Variants in ADGRL2 observed in about 807,000 individuals in gnomAD.
ADGRL2 encodes adhesion G protein-coupled receptor L2, also known as calcium-independent alpha-latrotoxin receptor 2.
A neutral mutation model predicts 157.4 loss-of-function variants in ADGRL2; 44 were observed. The ratio of observed to expected loss-of-function variants is 0.28; its 90% CI spans 0.22 to 0.36. The LOEUF (loss-of-function observed/expected upper bound fraction) is 0.36. Ranked by LOEUF, ADGRL2 falls within the 10% of genes least tolerant of loss-of-function variation. ADGRL2 has a pLI of 1.00. For synonymous variants in ADGRL2, 585 were observed against 624.7 expected (o/e 0.94, Z 0.95); for missense variants, 1,510 against 1,768.9 (o/e 0.85, Z 2.63).
In ADGRL2 at chr1:81,419,158, C is replaced by G. The variant is rs1570915659; in HGVS notation, c.-301-25878C>G. ...GCATATTTGTACTTCTGGACTGTTT[C>G]TTTATTCAGCAACCTTATACAGAAA... On this transcript the variant is annotated intron_variant, in intron 1 of 24. Coordinates refer to the ADGRL2 transcript ENST00000370721. 2.3e-5 allele frequency among the ~76,000 whole-genome samples: 3 copies of G among 132,798 alleles called. No individual in the cohort carries two copies. In the South Asian group the frequency reaches 7.3e-4, roughly 32 times the overall value. 87.1% of individuals were successfully genotyped at this position (132,798 alleles called of 152,430 possible). A position where few individuals can be genotyped will look rare whatever the true frequency, so the allele number is the denominator to read the frequency against.
At position 81,950,379 on chromosome 1, in the gene ADGRL2, C is replaced by T. The variant is rs1246388030; in HGVS notation, c.1401C>T (p.Pro467=). The T allele has an allele frequency of 6.2e-7, 1 of 1,613,996 alleles. No individual in the cohort carries two copies. The change falls in exon 7 of 24, where the codon CCC becomes CCT. Residue 467 remains proline, a synonymous_variant. Transcript: ENST00000686636. The part of the protein sequence containing the change: ...TKIPPITNIF[P]LPERFCEALD... ...TTCCACCTATAACAAATATTTTTCC[C>T]CTGCCAGAGAGATTCTGTGAAGCAT...
intron 3 of ADGRL2, among the ~76,000 whole-genome samples, chr1:81,923,641 C>A (rs1380553014): frequency 2.6e-5 from 4 of 151,958 alleles, no homozygotes; most frequent in Admixed American, 2.0e-4. Flanking sequence ...TAGTGTATAC[C>A]TGAAGACATT....
chr1:81,758,429 A>G (rs2085763131), intron 1 of ADGRL2, among the ~76,000 whole-genome samples: 1 of 152,126 alleles, frequency 6.6e-6, no homozygotes, highest in Non-Finnish European at 1.5e-5. Flanking sequence ...GGGCCGATTT[A>G]TATGTCTCCT....
At chr1:81,923,633 G>T (rs542115860) in intron 3 of ADGRL2, among the ~76,000 whole-genome samples, 1 of 152,018 alleles carries the variant, frequency 6.6e-6, no homozygotes, top group Non-Finnish European at 1.5e-5. Context: ...ATGACAACTA[G>T]TGTATACCTG....
At chr1:81,866,596 T>C (rs1279986185) in intron 2 of ADGRL2, among the ~76,000 whole-genome samples, 2 of 152,180 alleles carry the variant, frequency 1.3e-5, no homozygotes, top group Non-Finnish European at 2.9e-5. Context: ...CCTTCAGTTT[T>C]AAATTTGAAT....
intron 1 of ADGRL2, among the ~76,000 whole-genome samples, chr1:81,830,690 A>G (rs1216747182): frequency 6.6e-6 from 1 of 152,052 alleles, no homozygotes; most frequent in Non-Finnish European, 1.5e-5. Flanking sequence ...GTATTTTAGT[A>G]GAGACGGGGT....
rs889546159 is a variant in ADGRL2, at chr1:81,893,727, A to G, written c.74-13290A>G. Among the ~76,000 whole-genome samples the G allele has an allele frequency of 2.6e-5, 4 of 152,318 alleles. No individual in the cohort carries two copies. The South Asian group carries it at 8.3e-4, about 32-fold the overall frequency. On this transcript the variant is annotated intron_variant, in intron 2 of 23. Transcript: ENST00000686636. ...TGCAGTTAAATACAAGAAAGGATATAATTTTAACTCTGCAGAAAAGTAGTA... is the reference window on the plus strand; with the variant it reads ...TGCAGTTAAATACAAGAAAGGATATGATTTTAACTCTGCAGAAAAGTAGTA...
intron 2 of ADGRL2, among the ~76,000 whole-genome samples, chr1:81,851,416 A>G (rs1158493935): frequency 1.3e-5 from 2 of 151,862 alleles, no homozygotes; most frequent in Non-Finnish European, 2.9e-5. Flanking sequence ...ATGATGAGTA[A>G]TGAATATCTC....
At chr1:81,871,111 T>C (rs1218182745) in intron 2 of ADGRL2, among the ~76,000 whole-genome samples, 1 of 121,346 alleles carries the variant, frequency 8.2e-6, no homozygotes, top group African/African-American at 3.1e-5. Flanking sequence ...CAGGCCCTGT[T>C]GTGTGATGTT....
At chr1:81,843,436 A>G (rs2092676553) in intron 2 of ADGRL2, among the ~76,000 whole-genome samples, 1 of 152,144 alleles carries the variant, frequency 6.6e-6, no homozygotes, top group Non-Finnish European at 1.5e-5. Flanking sequence ...CGGCCAAAAA[A>G]ATGATTTTAT....
At chr1:81,543,808 C>T (rs2079947874) in intron 2 of ADGRL2, among the ~76,000 whole-genome samples, 1 of 152,202 alleles carries the variant, frequency 6.6e-6, no homozygotes, top group African/African-American at 2.4e-5. Flanking sequence ...CACAGGTTAT[C>T]TCACCTCTCC....
At chr1:81,900,241 C>T (rs1469205895) in intron 2 of ADGRL2, among the ~76,000 whole-genome samples, 1 of 152,110 alleles carries the variant, frequency 6.6e-6, no homozygotes, top group African/African-American at 2.4e-5. Flanking sequence ...GAATTGTCAA[C>T]AACAACCATT....
intron 1 of ADGRL2, among the ~76,000 whole-genome samples, chr1:81,741,473 T>C (rs1557611134): frequency 6.6e-6 from 1 of 152,054 alleles, no homozygotes; most frequent in Non-Finnish European, 1.5e-5. Flanking sequence ...ATTGGATATA[T>C]TCAATTAAAT....
In ADGRL2 at chr1:81,771,315, A is replaced by G. The variant is rs1278161254; in HGVS notation, c.-101+9463A>G. On this transcript the variant is annotated intron_variant, in intron 2 of 20. Transcript: ENST00000359929. ...TAGAGGATAATATAATTTTTCTCACAAAGAATTGCTGAGCATCCTCTTTCA... is the reference window on the plus strand; with the variant it reads ...TAGAGGATAATATAATTTTTCTCACGAAGAATTGCTGAGCATCCTCTTTCA... Among the ~76,000 whole-genome samples the G allele has an allele frequency of 2.1e-5, 3 of 144,350 alleles. No homozygotes were observed. The Admixed American group carries it at 2.1e-4, about 10-fold the overall frequency. The allele number at this position is 144,350 out of a possible 152,430, so 94.7% of individuals were successfully genotyped here.
chr1:81,578,837 TC>T (rs901904434), intron 2 of ADGRL2, among the ~76,000 whole-genome samples: 1 of 152,022 alleles, frequency 6.6e-6, no homozygotes, highest in Non-Finnish European at 1.5e-5. Context: ...TTTATGTAGT[TC>T]CCCCCGAAGC....
At chr1:81,772,933 A>G (rs1329773528) in intron 2 of ADGRL2, among the ~76,000 whole-genome samples, 1 of 152,180 alleles carries the variant, frequency 6.6e-6, no homozygotes, top group Non-Finnish European at 1.5e-5. Flanking sequence ...AATTATTAGA[A>G]TATGTTTTAT....
chr1:81,323,951 T>C (rs1301473251), intron 1 of ADGRL2, among the ~76,000 whole-genome samples: 1 of 152,230 alleles, frequency 6.6e-6, no homozygotes, highest in Non-Finnish European at 1.5e-5. Flanking sequence ...GGCCGGATTG[T>C]TGTAGCTCTT....
At chr1:81,696,139 C>T (rs1256681852), upstream of ADGRL2, among the ~76,000 whole-genome samples, 1 of 152,042 alleles carries the variant, frequency 6.6e-6, no homozygotes, top group Non-Finnish European at 1.5e-5. Context: ...ATGTGTTGCT[C>T]CTCCCAAGAA....
intron 1 of ADGRL2, among the ~76,000 whole-genome samples, chr1:81,705,582 A>G (rs943258114): frequency 6.6e-6 from 1 of 151,792 alleles, no homozygotes; most frequent in East Asian, 2.0e-4. Flanking sequence ...TCCTGTAGCC[A>G]GGTCAGCCTG....
Sources: allele counts gnomAD v4.1 joint callset (sites outside exome capture counted in the v4.1 genomes callset), GRCh38; gene constraint gnomAD v4.1.1; transcripts MANE v1.5; gene names NCBI Gene and HGNC (gene_info 2026-07-23, HGNC 2026-07-21).